Variants in PPARGC1A observed in about 807,000 individuals in gnomAD.
PPARGC1A encodes the protein PPARG coactivator 1 alpha.
A neutral mutation model predicts 88.7 loss-of-function variants in PPARGC1A; 25 were observed. The ratio of observed to expected loss-of-function variants is 0.28; its 90% confidence interval spans 0.21 to 0.39. The LOEUF is 0.39. Among genes scored for constraint, PPARGC1A ranks in the 10% least tolerant of loss-of-function variants. PPARGC1A has a pLI of 1.00. For missense variants in PPARGC1A, 880 were observed against 968.7 expected, an observed-to-expected ratio of 0.91 and a Z score of 1.22; for synonymous variants, 363 against 355.6, an observed-to-expected ratio of 1.02 and a Z score of -0.24.
upstream of PPARGC1A, among the ~76,000 whole-genome samples, chr4:23,907,812 A>C (rs1720230707): frequency 2.0e-5 from 3 of 152,124 alleles, no homozygotes; most frequent in African/African-American, 7.2e-5. Context: ...TTTTAAAATA[A>C]ATGCACACAT....
the PPARGC1A span, among the ~76,000 whole-genome samples, chr4:24,417,006 G>C: frequency 6.6e-6 from 1 of 150,858 alleles, no homozygotes; most frequent in Non-Finnish European, 1.5e-5. Flanking sequence ...CTCCAGCCTA[G>C]GCAACAGAGC....
At chr4:24,294,401 C>T in the PPARGC1A span, among the ~76,000 whole-genome samples, 2 of 152,014 alleles carry the variant, frequency 1.3e-5, no homozygotes, top group East Asian at 3.9e-4. Flanking sequence ...ATGAGCTTTC[C>T]TTTCTGAAGG....
the PPARGC1A span, among the ~76,000 whole-genome samples, chr4:24,102,840 T>A: frequency 6.6e-6 from 1 of 152,156 alleles, no homozygotes; most frequent in East Asian, 1.9e-4. Flanking sequence ...ACAACACTTG[T>A]AGATACAACT....
chr4:24,142,864 G>A, the PPARGC1A span, among the ~76,000 whole-genome samples: 1 of 152,032 alleles, frequency 6.6e-6, no homozygotes, highest in African/African-American at 2.4e-5. Flanking sequence ...TAGGTGTAGG[G>A]AAAGCAAAAG....
At chr4:23,924,590 C>G in the PPARGC1A span, among the ~76,000 whole-genome samples, 1 of 152,170 alleles carries the variant, frequency 6.6e-6, no homozygotes, top group South Asian at 2.1e-4. Context: ...CCACCGCACT[C>G]CAGCCTGGGT....
the PPARGC1A span, among the ~76,000 whole-genome samples, chr4:24,075,823 T>C: frequency 1.3e-5 from 2 of 152,148 alleles, no homozygotes; most frequent in Non-Finnish European, 2.9e-5. Flanking sequence ...CTCTTTCCTT[T>C]ATAAATTACC....
chr4:24,461,508 G>A, the PPARGC1A span, among the ~76,000 whole-genome samples: 3 of 152,154 alleles, frequency 2.0e-5, no homozygotes, highest in African/African-American at 7.2e-5. Context: ...AGAGGGTGAA[G>A]ATGACGTGTG....
At chr4:24,264,408 CA>C in the PPARGC1A span, among the ~76,000 whole-genome samples, 1 of 152,138 alleles carries the variant, frequency 6.6e-6, no homozygotes, top group Non-Finnish European at 1.5e-5. Flanking sequence ...CAGTGAATGC[CA>C]CCAAGGGCCC....
chr4:23,876,239 A>G (rs1714662949), intron 2 of PPARGC1A, among the ~76,000 whole-genome samples: 1 of 152,226 alleles, frequency 6.6e-6, no homozygotes. Flanking sequence ...TGCAGTAGAA[A>G]CTAAGTGACT....
intron 2 of PPARGC1A, among the ~76,000 whole-genome samples, chr4:23,856,301 G>C (rs1432407987): frequency 6.6e-6 from 1 of 152,214 alleles, no homozygotes; most frequent in South Asian, 2.1e-4. Context: ...TTTTTGAGGT[G>C]TAGGCCACTT....
At chr4:24,314,921 A>C in the PPARGC1A span, among the ~76,000 whole-genome samples, 55 of 152,176 alleles carry the variant, frequency 3.6e-4, 1 homozygote, top group East Asian at 0.011. Context: ...CCACTACCTA[A>C]AAACCCAAAA....
chr4:24,261,104 C>CCA, the PPARGC1A span, among the ~76,000 whole-genome samples: 148 of 152,022 alleles, frequency 9.7e-4, no homozygotes, highest in Non-Finnish European at 1.6e-3. Context: ...AATCAGCACA[C>CCA]CACATCACCC....
chr4:24,164,751 A>G, the PPARGC1A span, among the ~76,000 whole-genome samples: 3 of 152,196 alleles, frequency 2.0e-5, no homozygotes, highest in African/African-American at 7.2e-5. Flanking sequence ...TGGGAAAAGT[A>G]TGACTGAGTC....
the PPARGC1A span, among the ~76,000 whole-genome samples, chr4:24,310,075 G>A: frequency 1.2e-3 from 183 of 152,204 alleles, no homozygotes; most frequent in East Asian, 0.018. Context: ...AAGATATTTC[G>A]CAAAGAGAAA....
chr4:24,327,873 C>A, the PPARGC1A span, among the ~76,000 whole-genome samples: 1 of 152,148 alleles, frequency 6.6e-6, no homozygotes, highest in Non-Finnish European at 1.5e-5. Context: ...GTGACTTGCA[C>A]GTGTATGCCC....
chr4:24,060,086 TCA>T, the PPARGC1A span, among the ~76,000 whole-genome samples: 1 of 152,188 alleles, frequency 6.6e-6, no homozygotes, highest in Non-Finnish European at 1.5e-5. Context: ...GAGCTATTTT[TCA>T]CAGACTCTTG....
chr4:24,053,205 C>G, the PPARGC1A span, among the ~76,000 whole-genome samples: 2 of 151,716 alleles, frequency 1.3e-5, no homozygotes, highest in Non-Finnish European at 2.9e-5. Context: ...ATTTTTCTTA[C>G]TCTGCAAGTT....
the PPARGC1A span, among the ~76,000 whole-genome samples, chr4:24,233,533 A>G: frequency 1.3e-5 from 2 of 152,064 alleles, no homozygotes; most frequent in African/African-American, 4.8e-5. Flanking sequence ...ATGGGCTCTA[A>G]TAGCTGATGA....
chr4:24,053,799 G>C, the PPARGC1A span, among the ~76,000 whole-genome samples: 55 of 152,224 alleles, frequency 3.6e-4, no homozygotes, highest in Middle Eastern at 0.01. Flanking sequence ...GCATGTGACT[G>C]GGTATCCATA....
Sources: gnomAD v4.1 joint callset for allele counts (sites outside exome capture counted in the v4.1 genomes callset) on GRCh38, gnomAD v4.1.1 for gene constraint, MANE v1.5 for transcripts, NCBI Gene and HGNC (gene_info 2026-07-23, HGNC 2026-07-21) for gene names.